Variants in THSD7B observed in about 807,000 individuals in gnomAD.
The protein encoded by THSD7B is thrombospondin type 1 domain containing 7B.
A neutral mutation model predicts 213.6 loss-of-function variants in THSD7B; 138 were observed. That is an observed-to-expected ratio of 0.65 (90% CI 0.56 to 0.74). The LOEUF (loss-of-function observed/expected upper bound fraction) is 0.74, where lower values mean the gene tolerates loss of function less well. Among genes scored for constraint, THSD7B ranks in the 30% least tolerant of loss-of-function variants. The pLI, the probability that THSD7B is intolerant of heterozygous loss-of-function variation, is 0.00. For missense variants in THSD7B, 1,931 were observed against 1,991.5 expected, an observed-to-expected ratio of 0.97 and a Z score of 0.58; for synonymous variants, 742 against 687.0, an observed-to-expected ratio of 1.08 and a Z score of -1.25.
chr2:137,644,983 A>G (rs1274052197), intron 21 of THSD7B, among the ~76,000 whole-genome samples: 1 of 152,168 alleles, frequency 6.6e-6, no homozygotes, highest in Admixed American at 6.5e-5. Flanking sequence ...CTGCTAACAC[A>G]TATACACACA....
chr2:137,543,007 G>C (rs1680637511), intron 15 of THSD7B, among the ~76,000 whole-genome samples: 1 of 151,712 alleles, frequency 6.6e-6, no homozygotes, highest in Non-Finnish European at 1.5e-5. Context: ...ATCTCACAGA[G>C]CTAAAGTCAA....
At chr2:137,470,728 T>C (rs1688075601) in intron 15 of THSD7B, among the ~76,000 whole-genome samples, 1 of 152,082 alleles carries the variant, frequency 6.6e-6, no homozygotes, top group East Asian at 1.9e-4. Flanking sequence ...GTTGTCAAGA[T>C]TTTAAAATTA....
chr2:137,057,138 A>G lies in THSD7B; in HGVS notation c.858A>G (p.Ala286=). 2 of 1,614,038 alleles carry G rather than the reference A, an allele frequency of 1.2e-6. No homozygotes were observed. Among genetic ancestry groups the G allele is most frequent in the Non-Finnish European group, 1.7e-6 (2 of 1,179,902 alleles). Residue 286 remains alanine, a synonymous_variant, in exon 3 of 28, where the codon GCA becomes GCG. Transcript: ENST00000409968. Reference sequence around the variant, plus strand: ...CCTTTAAACATCAAAGTTACAAAGCACATCATCATTCGAAGTCTTGGGCAA... The same window carrying G: ...CCTTTAAACATCAAAGTTACAAAGCGCATCATCATTCGAAGTCTTGGGCAA... ...RVTFKHQSYK[A]HHHSKSWAIE... is the part of the protein sequence containing the mutation.
chr2:137,116,778 A>G (rs1372696992), intron 5 of THSD7B, among the ~76,000 whole-genome samples: 3 of 152,164 alleles, frequency 2.0e-5, no homozygotes, highest in Non-Finnish European at 4.4e-5. Flanking sequence ...AGAATTGGGA[A>G]TTAGATGCTT....
At chr2:137,232,859 G>A in intron 8 of THSD7B, 40 bp from the exon 9 acceptor site, 1 of 1,588,290 alleles carries the variant, frequency 6.3e-7, no homozygotes, top group South Asian at 1.1e-5. Flanking sequence ...AACAAGAACA[G>A]CAACCACTAT....
At chr2:136,949,886 CAT>C (rs1380016008) in intron 2 of THSD7B, among the ~76,000 whole-genome samples, 1 of 152,212 alleles carries the variant, frequency 6.6e-6, no homozygotes, top group African/African-American at 2.4e-5. Flanking sequence ...CACGTGCACA[CAT>C]ATGTTTATTG....
Position 136,802,640 on chromosome 2 carries a change from TA to T in THSD7B, c.-36+36954del, listed in dbSNP as rs1682206979. 4.3e-4 allele frequency among the ~76,000 whole-genome samples: 3 copies of T among 7,056 alleles called. No individual in the cohort carries two copies. The East Asian group carries it at 0.015, about 34-fold the overall frequency. 4.6% of individuals were successfully genotyped at this position (7,056 alleles called of 152,430 possible). A position where few individuals can be genotyped will look rare whatever the true frequency, so the allele number is the denominator to read the frequency against. The stretch of plus-strand genomic sequence containing the variant: ...TTAAAAATAATTTATGAATTAAGTT[TA>T]TATATATATATATATATATATATAT... On this transcript the variant is annotated intron_variant, in intron 1 of 27. Coordinates refer to ENST00000409968, the MANE Select transcript of THSD7B (RefSeq NM_001316349.2).
intron 4 of THSD7B, among the ~76,000 whole-genome samples, chr2:137,112,248 AG>A (rs1688361585): frequency 6.6e-6 from 1 of 152,134 alleles, no homozygotes; most frequent in African/African-American, 2.4e-5. Flanking sequence ...TAAAGAAAAA[AG>A]GTTGAGCAAA....
At chr2:137,310,822 C>T (rs1452253829) in intron 12 of THSD7B, among the ~76,000 whole-genome samples, 30 of 151,870 alleles carry the variant, frequency 2.0e-4, no homozygotes, top group African/African-American at 3.4e-4. Context: ...TGTAGATATG[C>T]GGCGTTATTT....
At chr2:137,433,622 G>A (rs566116471) in intron 14 of THSD7B, among the ~76,000 whole-genome samples, 6 of 152,200 alleles carry the variant, frequency 3.9e-5, no homozygotes, top group South Asian at 4.2e-4. Context: ...TGAAAGTGCC[G>A]GGATTACAGG....
intron 1 of THSD7B, among the ~76,000 whole-genome samples, chr2:136,880,628 A>T (rs77072823): frequency 0.016 from 2,503 of 152,108 alleles, 35 homozygotes; most frequent in Middle Eastern, 0.02. Flanking sequence ...CAGGCATCTA[A>T]GTTTGCAGTC....
intron 2 of THSD7B, among the ~76,000 whole-genome samples, chr2:136,974,741 C>T (rs545560): frequency 0.87 from 133,107 of 152,194 alleles, 58,267 homozygotes; most frequent in Admixed American, 0.9. Flanking sequence ...GGCCAAATGA[C>T]ATTTCTGGTT....
chr2:137,554,760 C>T (rs1299219909), intron 15 of THSD7B, among the ~76,000 whole-genome samples: 4 of 152,150 alleles, frequency 2.6e-5, no homozygotes, highest in Non-Finnish European at 4.4e-5. Context: ...CATCACCTCA[C>T]CCGGGAAGCA....
chr2:137,358,262 T>A (rs1281398008), intron 12 of THSD7B, among the ~76,000 whole-genome samples: 1 of 152,208 alleles, frequency 6.6e-6, no homozygotes, highest in African/African-American at 2.4e-5. Flanking sequence ...ATTTTTTAAA[T>A]TGCTAGCCAA....
intron 2 of THSD7B, among the ~76,000 whole-genome samples, chr2:136,973,598 A>T (rs996259778): frequency 2.0e-5 from 3 of 152,184 alleles, no homozygotes; most frequent in African/African-American, 7.2e-5. Context: ...AGAAAAGTGC[A>T]TTCAATTTAC....
At chr2:137,540,895 T>C (rs1027101754) in intron 15 of THSD7B, among the ~76,000 whole-genome samples, 4 of 151,676 alleles carry the variant, frequency 2.6e-5, no homozygotes, top group Admixed American at 6.6e-5. Flanking sequence ...TGCAAGTATA[T>C]AGGGCTGTGC....
chr2:136,970,113 G>A (rs1426399475), intron 2 of THSD7B, among the ~76,000 whole-genome samples: 1 of 152,092 alleles, frequency 6.6e-6, no homozygotes, highest in Non-Finnish European at 1.5e-5. Context: ...ATGTGTTCTA[G>A]AAAATTAAAA....
intron 5 of THSD7B, among the ~76,000 whole-genome samples, chr2:137,142,284 GA>G (rs1357177603): frequency 6.6e-6 from 1 of 152,098 alleles, no homozygotes; most frequent in Non-Finnish European, 1.5e-5. Context: ...GAGAGAGAAT[GA>G]GCCCAGGAGA....
In THSD7B at chr2:136,790,940, G is replaced by A. The variant is rs995147803; in HGVS notation, c.-36+25253G>A. ...AGGGAAAGTACCACTGACATTGGAG[G>A]CCTTAGGAGGAGGTCTAAGACTTTG... On this transcript the variant is annotated intron_variant, in intron 1 of 27. Transcript: ENST00000409968. 8.6e-5 allele frequency among the ~76,000 whole-genome samples: 13 copies of A among 152,014 alleles called. 1 individual carries two copies. Among genetic ancestry groups the A allele is most frequent in the Non-Finnish European group, 1.8e-4 (12 of 67,962 alleles).
Sources: gnomAD v4.1 joint callset for allele counts (sites outside exome capture counted in the v4.1 genomes callset) on GRCh38, gnomAD v4.1.1 for gene constraint, MANE v1.5 for transcripts, NCBI Gene and HGNC (gene_info 2026-07-23, HGNC 2026-07-21) for gene names.